DCLRE1B: variants seen among roughly 807,000 people sequenced by gnomAD.
DCLRE1B encodes 5' exonuclease Apollo.
Under a neutral mutation model 19.8 loss-of-function variants are expected in DCLRE1B, and 6 were observed. That is an observed-to-expected ratio of 0.30 (90% CI 0.17 to 0.60). The LOEUF (loss-of-function observed/expected upper bound fraction) is 0.60. Among genes scored for constraint, DCLRE1B ranks in the 20% least tolerant of loss-of-function variants. The pLI, the probability that DCLRE1B is intolerant of heterozygous loss-of-function variation, is 0.87. For synonymous variants in DCLRE1B, 258 were observed against 255.7 expected (o/e 1.01, Z -0.09); for missense variants, 622 against 654.2 (o/e 0.95, Z 0.54).
At position 113,907,314 on chromosome 1, in the gene DCLRE1B, T is replaced by TC. The variant is rs1669071535; in HGVS notation, c.355+155dup. 2.8e-5 allele frequency among the ~76,000 whole-genome samples: 4 copies of TC among 143,186 alleles called. No homozygotes were observed. The Admixed American group carries it at 2.9e-4, about 10-fold the overall frequency. The allele number at this position is 143,186 out of a possible 152,430, so 93.9% of individuals were successfully genotyped here. A position where few individuals can be genotyped will look rare whatever the true frequency, so the allele number is the denominator to read the frequency against. On this transcript the variant is annotated intron_variant, in intron 2 of 3. Transcript: ENST00000650450. ...CTCAAGCAATCCTCCCGCTTCAGCC[T>TC]CCACAGTAGCTAGGATTATTGGCAC...
chr1:113,905,355 C>T lies in DCLRE1B; in HGVS notation c.-232C>T. The T allele has an allele frequency of 1.9e-6, 1 of 531,606 alleles. No homozygotes were observed. The highest frequency in any genetic ancestry group is 3.3e-6 in the Non-Finnish European group (1 of 305,248). The allele number at this position is 531,606 out of a possible 1,614,324, so 32.9% of individuals were successfully genotyped here. On this transcript the variant is annotated 5_prime_UTR_variant, in exon 1 of 4. Coordinates refer to ENST00000650450, the MANE Select transcript of DCLRE1B (RefSeq NM_022836.4). Reference sequence around the variant, plus strand: ...TGAGTGCCCGGCTCGGCCTCCGCTCCCGCGCGGTTGGGAGTGTCCAGCGCC... The same window carrying T: ...TGAGTGCCCGGCTCGGCCTCCGCTCTCGCGCGGTTGGGAGTGTCCAGCGCC...
At chr1:113,905,091 G>A (rs1668823978), upstream of DCLRE1B, 3 of 371,708 alleles carry the variant, frequency 8.1e-6, no homozygotes, top group South Asian at 6.8e-5. Context: ...TTCTCATCGC[G>A]GATAGGCCCA....
upstream of DCLRE1B, chr1:113,904,639 G>A (rs759453032): frequency 1.2e-6 from 2 of 1,613,676 alleles, no homozygotes; most frequent in Non-Finnish European, 1.7e-6. Context: ...CGGTAGCGCA[G>A]CCTATCAGCT....
In DCLRE1B at chr1:113,913,785, T is replaced by C. The variant is rs1669351572; in HGVS notation, c.*1594T>C. 1 of 152,322 alleles carries C rather than the reference T, an allele frequency of 6.6e-6. No homozygotes were observed. The highest frequency in any genetic ancestry group is 6.5e-5 in the Admixed American group (1 of 15,282). 9.4% of individuals were successfully genotyped at this position (152,322 alleles called of 1,614,324 possible). A position where few individuals can be genotyped will look rare whatever the true frequency, so the allele number is the denominator to read the frequency against. On this transcript the variant is annotated 3_prime_UTR_variant, in exon 4 of 4. Transcript: ENST00000650450. Reference sequence around the variant, plus strand: ...TTGAAAGTCAAAAAAACAAAAAATTTTAATTCCTCGTAGATTAATTGATTT... The same window carrying C: ...TTGAAAGTCAAAAAAACAAAAAATTCTAATTCCTCGTAGATTAATTGATTT...
intron 3 of DCLRE1B, among the ~76,000 whole-genome samples, chr1:113,910,911 C>T (rs1230426350): frequency 6.6e-6 from 1 of 152,202 alleles, no homozygotes; most frequent in African/African-American, 2.4e-5. Context: ...CTGAAACTTG[C>T]TAGATGCTCT....
chr1:113,905,066 T>A, upstream of DCLRE1B: 1 of 381,786 alleles, frequency 2.6e-6, no homozygotes. Context: ...CAGCCTTAAT[T>A]CCCCCTCCAC....
chr1:113,912,115 C>T lies in DCLRE1B; in HGVS notation c.1523C>T (p.Pro508Leu), dbSNP rs777347346. Residue 508 changes from proline (P) to leucine (L), a missense_variant, in exon 4 of 4, where the codon CCA (proline) becomes CTA (leucine). Transcript: ENST00000650450. ...RGLALKYLLTPVNFFQAGYSS... is the reference protein window; with the variant it reads ...RGLALKYLLTLVNFFQAGYSS... ...CTAGCACTCAAATATCTTCTGACTCCAGTGAACTTTTTCCAGGCAGGGTAT... is the reference window on the plus strand; with the variant it reads ...CTAGCACTCAAATATCTTCTGACTCTAGTGAACTTTTTCCAGGCAGGGTAT... 6.2e-6 allele frequency: 10 copies of T among 1,614,180 alleles called. No individual in the cohort carries two copies. Among genetic ancestry groups the T allele is most frequent in the Non-Finnish European group, 8.5e-6 (10 of 1,180,028 alleles).
At position 113,913,782 on chromosome 1, in the gene DCLRE1B, A is replaced by T. The variant is rs1044483137; in HGVS notation, c.*1591A>T. The T allele has an allele frequency of 2.0e-5, 3 of 152,204 alleles. No individual in the cohort carries two copies. Among genetic ancestry groups the T allele is most frequent in the South Asian group, 2.1e-4 (1 of 4,832 alleles). The allele number at this position is 152,204 out of a possible 1,614,324, so 9.4% of individuals were successfully genotyped here. A position where few individuals can be genotyped will look rare whatever the true frequency, so the allele number is the denominator to read the frequency against. ...ACTTTGAAAGTCAAAAAAACAAAAAATTTTAATTCCTCGTAGATTAATTGA... is the reference window on the plus strand; with the variant it reads ...ACTTTGAAAGTCAAAAAAACAAAAATTTTTAATTCCTCGTAGATTAATTGA... On this transcript the variant is annotated 3_prime_UTR_variant, in exon 4 of 4. Transcript: ENST00000650450.
At chr1:113,904,767 G>A (rs924555357), upstream of DCLRE1B, 5 of 1,499,454 alleles carry the variant, frequency 3.3e-6, no homozygotes, top group Non-Finnish European at 4.6e-6. Flanking sequence ...GTAACTCGAG[G>A]GCTCCTTCTC....
At chr1:113,911,048 C>A in intron 3 of DCLRE1B, 83 bp from the exon 4 acceptor site, 1 of 1,317,436 alleles carries the variant, frequency 7.6e-7, no homozygotes, top group Admixed American at 2.3e-5. Flanking sequence ...TTTTGTTAAA[C>A]ATTTTGTTGA....
chr1:113,905,702 G>A lies in DCLRE1B; in HGVS notation c.116G>A (p.Gly39Asp). ...CACATGCACTCGGACCACACCGTGG[G>A]CCTGTCTAGCACCTGGGCCCGGCCC... is the stretch of plus-strand genomic sequence containing the variant. ...LSHMHSDHTV[G>D]LSSTWARPLY... Residue 39 changes from glycine (G) to aspartate (D), a missense_variant, in exon 1 of 4, where the codon GGC (glycine) becomes GAC (aspartate). Gly to Asp is a moderately conservative substitution (Grantham distance 94, BLOSUM62 -1). Transcript: ENST00000650450. 6.2e-7 allele frequency: 1 copy of A among 1,614,146 alleles called. No individual in the cohort carries two copies. Among genetic ancestry groups the A allele is most frequent in the East Asian group, 2.2e-5 (1 of 44,878 alleles).
In DCLRE1B at chr1:113,912,000, ACAGGG is replaced by A; in HGVS notation, c.1409_1413del (p.Thr470LysfsTer25). On this transcript the variant is annotated frameshift_variant, in exon 4 of 4. Transcript: ENST00000650450. LOFTEE classifies it low-confidence loss of function (END_TRUNC). ...AGATGATGATGGAGGTCCAGAAGCC[ACAGGG>A]AATCAGAGTGCCTGGATGGGCCATG... The A allele has an allele frequency of 6.2e-7, 1 of 1,614,234 alleles. No individual in the cohort carries two copies. The highest frequency in any genetic ancestry group is 8.5e-7 in the Non-Finnish European group (1 of 1,180,042).
chr1:113,905,926 C>A (rs1337402510), intron 1 of DCLRE1B, 151 bp downstream of exon 1: 1 of 900,324 alleles, frequency 1.1e-6, no homozygotes, highest in Non-Finnish European at 1.6e-6. Flanking sequence ...AGAATAGGAA[C>A]GTGTTTTCGA....
upstream of DCLRE1B, chr1:113,904,897 C>T (rs1452831174): frequency 1.1e-5 from 7 of 628,706 alleles, no homozygotes; most frequent in Non-Finnish European, 2.0e-5. Context: ...ACTTCCACGC[C>T]CTCCGCGACA....
In DCLRE1B at chr1:113,911,650, T is replaced by C. The variant is rs777529403; in HGVS notation, c.1058T>C (p.Val353Ala). The C allele has an allele frequency of 5.0e-6, 8 of 1,606,926 alleles. No homozygotes were observed. The Admixed American group carries it at 1.2e-4, about 24-fold the overall frequency. The change falls in exon 4 of 4, where the codon GTG (valine) becomes GCG (alanine). Residue 353 changes from valine to alanine, a missense_variant. Val to Ala is a moderately conservative substitution (Grantham distance 64, BLOSUM62 0). This residue lies in a region of DCLRE1B where 382 missense variants were observed against 412.5 expected (regional missense o/e 0.93). Transcript: ENST00000650450. The stretch of plus-strand genomic sequence containing the variant: ...AAGAGGCCGAGAACCCAAGGTGTTG[T>C]GTTTGAATCCCCTGAGGAAAGTGCT... ...RLKRPRTQGV[V>A]FESPEESADQ...
chr1:113,905,396 T>C lies in DCLRE1B; in HGVS notation c.-191T>C. 6 of 622,686 alleles carry C rather than the reference T, an allele frequency of 9.6e-6. No individual in the cohort carries two copies. The highest frequency in any genetic ancestry group is 1.6e-5 in the Non-Finnish European group (6 of 371,182). 38.6% of individuals were successfully genotyped at this position (622,686 alleles called of 1,614,324 possible). ...GTCCAGCGCCCTCCGCGATTTGGGC[T>C]CCAGCGGGCAGGGTGACTTCCTTTT... On this transcript the variant is annotated 5_prime_UTR_variant, in exon 1 of 4. Transcript: ENST00000650450.
intron 1 of DCLRE1B, among the ~76,000 whole-genome samples, chr1:113,906,188 C>CT (rs1453917763): frequency 1.3e-5 from 2 of 150,940 alleles, no homozygotes; most frequent in Non-Finnish European, 2.9e-5. Flanking sequence ...TCCTGAGTAG[C>CT]TGAGATTACA....
chr1:113,907,556 G>A (rs1217399), intron 2 of DCLRE1B, among the ~76,000 whole-genome samples: 5,535 of 151,904 alleles, frequency 0.036, 232 homozygotes, highest in African/African-American at 0.1. Context: ...TGCAACCTCC[G>A]CCTTCTGGGT....
Position 113,905,572 on chromosome 1 carries a change from T to TC in DCLRE1B, c.-13dup. ...CCGTGGAGAAGATCCCACTGGTGAC[T>TC]CCAACCCTACCACCATGAATGGGGT... On this transcript the variant is annotated 5_prime_UTR_variant, in exon 1 of 4. Coordinates refer to ENST00000650450, the MANE Select transcript of DCLRE1B (RefSeq NM_022836.4). 6.2e-7 allele frequency: 1 copy of TC among 1,613,572 alleles called. No individual in the cohort carries two copies. The highest frequency in any genetic ancestry group is 1.3e-5 in the African/African-American group (1 of 75,014).
Sources: gnomAD v4.1 joint callset for allele counts (sites outside exome capture counted in the v4.1 genomes callset) on GRCh38, gnomAD v4.1.1 for gene constraint, gnomAD v4.1.1 regional missense constraint, MANE v1.5 for transcripts, NCBI Gene and HGNC (gene_info 2026-07-23, HGNC 2026-07-21) for gene names.